PKIB: variants seen among roughly 807,000 people sequenced by gnomAD.
PKIB encodes the protein cAMP-dependent protein kinase inhibitor beta.
Under a neutral mutation model 4.5 loss-of-function variants are expected in PKIB, and 2 were observed. The observed-to-expected ratio is 0.44, with a 90% CI of 0.18 to 1.39. PKIB has a LOEUF of 1.39. Among genes scored for constraint, PKIB ranks in the 40% most tolerant of loss-of-function variants. The probability of loss-of-function intolerance (pLI) is 0.27; values close to 1 mark genes in which losing one functional copy is unlikely to be tolerated. For synonymous variants in PKIB, 38 were observed against 36.0 expected (o/e 1.06, Z -0.20); for missense variants, 94 against 92.6 (o/e 1.02, Z -0.06).
chr6:122,643,231 C>G (rs1311739023), intron 2 of PKIB, among the ~76,000 whole-genome samples: 2 of 152,146 alleles, frequency 1.3e-5, no homozygotes, highest in African/African-American at 4.8e-5. Context: ...TTACCCCATG[C>G]AATTGTTTGA....
rs112683750 is a variant in PKIB at position 122,718,983 on chromosome 6, GAAGAATGAA to G, written c.169+1026_169+1034del. ...TACACATCAACGTAAAATATTATAA[GAAGAATGAA>G]AAGAAGGAAAAGATAAGGGAAGAAA... On this transcript the variant is annotated intron_variant, in intron 4 of 4. Transcript: ENST00000368452. 6.4e-3 allele frequency among the ~76,000 whole-genome samples: 979 copies of G among 152,054 alleles called. 11 individuals are homozygous for G. The highest frequency in any genetic ancestry group is 0.018 in the African/African-American group (748 of 41,462).
At chr6:122,630,066 T>G (rs1478792710) in intron 1 of PKIB, among the ~76,000 whole-genome samples, 1 of 152,124 alleles carries the variant, frequency 6.6e-6, no homozygotes, top group Non-Finnish European at 1.5e-5. Flanking sequence ...TGGAACAGTA[T>G]AAGAACTTTC....
At chr6:122,593,077 GCTA>G (rs756193780) in intron 3 of PKIB, among the ~76,000 whole-genome samples, 2 of 152,128 alleles carry the variant, frequency 1.3e-5, no homozygotes, top group Non-Finnish European at 2.9e-5. Flanking sequence ...GTGGTGTCAA[GCTA>G]CTATTTTCAG....
intron 1 of PKIB, among the ~76,000 whole-genome samples, chr6:122,629,251 T>C (rs1374925762): frequency 1.3e-5 from 2 of 152,174 alleles, no homozygotes; most frequent in Non-Finnish European, 2.9e-5. Flanking sequence ...TGAGTGGTGA[T>C]AGATAATGCA....
At chr6:122,586,913 C>T (rs915880630) in intron 3 of PKIB, among the ~76,000 whole-genome samples, 1 of 152,146 alleles carries the variant, frequency 6.6e-6, no homozygotes, top group Non-Finnish European at 1.5e-5. Flanking sequence ...CCCTCTGCCT[C>T]CACCTGGGTG....
chr6:122,494,470 GTT>G (rs1338982344), intron 2 of PKIB, among the ~76,000 whole-genome samples: 2 of 152,154 alleles, frequency 1.3e-5, no homozygotes. Context: ...ACATGAGACA[GTT>G]TTATACTAAA....
At chr6:122,632,925 G>A (rs1440723180) in intron 1 of PKIB, among the ~76,000 whole-genome samples, 2 of 152,166 alleles carry the variant, frequency 1.3e-5, no homozygotes, top group Non-Finnish European at 2.9e-5. Context: ...TAGTAAGAAT[G>A]TCTCTGACTG....
intron 2 of PKIB, among the ~76,000 whole-genome samples, chr6:122,487,241 A>G (rs1775792988): frequency 6.6e-6 from 1 of 152,224 alleles, no homozygotes; most frequent in Admixed American, 6.5e-5. Flanking sequence ...TCTCTTGATT[A>G]TCTGACAATC....
chr6:122,637,244 C>G (rs1775951635), intron 2 of PKIB, among the ~76,000 whole-genome samples: 1 of 152,028 alleles, frequency 6.6e-6, no homozygotes, highest in South Asian at 2.1e-4. Flanking sequence ...ATAGCATGAA[C>G]CTAATAAATG....
At chr6:122,558,701 A>G (rs1181437917) in intron 2 of PKIB, among the ~76,000 whole-genome samples, 1 of 152,156 alleles carries the variant, frequency 6.6e-6, no homozygotes, top group Admixed American at 6.5e-5. Flanking sequence ...AGAAAAAGCC[A>G]CAGTCACCTC....
chr6:122,676,327 G>A (rs992318241), intron 3 of PKIB, among the ~76,000 whole-genome samples: 59 of 152,206 alleles, frequency 3.9e-4, no homozygotes, highest in African/African-American at 1.3e-3. Flanking sequence ...GTGATGTGGA[G>A]TGGCTGTAAA....
chr6:122,625,066 A>G (rs1775380550), intron 1 of PKIB, among the ~76,000 whole-genome samples: 1 of 152,232 alleles, frequency 6.6e-6, no homozygotes, highest in Admixed American at 6.5e-5. Flanking sequence ...ACTACTATGT[A>G]AAAGCAGTTG....
At chr6:122,481,003 C>G (rs888848160) in intron 2 of PKIB, 1 of 152,080 alleles carries the variant, frequency 6.6e-6, no homozygotes, top group Non-Finnish European at 1.5e-5. Context: ...ATCACTTAGT[C>G]AAGCTCCTTG....
At chr6:122,474,321 T>A (rs1318492719) in intron 1 of PKIB, among the ~76,000 whole-genome samples, 3 of 152,236 alleles carry the variant, frequency 2.0e-5, no homozygotes, top group African/African-American at 4.8e-5. Flanking sequence ...TCTTCTCTTG[T>A]GACTGATGTT....
intron 2 of PKIB, among the ~76,000 whole-genome samples, chr6:122,528,125 C>A (rs1487796181): frequency 3.3e-5 from 5 of 152,110 alleles, no homozygotes; most frequent in Admixed American, 3.3e-4. Context: ...ATTCTAAATG[C>A]CCTTCTTAGT....
chr6:122,654,902 T>C (rs1325549845), intron 2 of PKIB, among the ~76,000 whole-genome samples: 1 of 152,204 alleles, frequency 6.6e-6, no homozygotes, highest in African/African-American at 2.4e-5. Flanking sequence ...CCTAATATAA[T>C]TAGAAACTTA....
chr6:122,719,709 CCACACATACACACACACACACACA>C (rs1199846038), intron 4 of PKIB, among the ~76,000 whole-genome samples: 38 of 137,796 alleles, frequency 2.8e-4, no homozygotes, highest in African/African-American at 4.5e-4. Flanking sequence ...AGTGTTCCCA[CCACACATACACACACACACACACA>C]CACACACACA....
chr6:122,616,913 A>T (rs1256977839), intron 1 of PKIB, among the ~76,000 whole-genome samples: 2 of 152,182 alleles, frequency 1.3e-5, no homozygotes, highest in African/African-American at 2.4e-5. Flanking sequence ...ACGAGTAGGC[A>T]AAGAGAGTAT....
Position 122,529,054 on chromosome 6 carries a change from A to G in PKIB, c.-248+51115A>G, listed in dbSNP as rs905548776. On this transcript the variant is annotated intron_variant, in intron 2 of 6. Transcript: ENST00000392491. ...ATAACAGACAGTTGATTCTATTTAC[A>G]TTTAAAGTAATTACTGATGATAAAA... 2.0e-5 allele frequency among the ~76,000 whole-genome samples: 3 copies of G among 152,262 alleles called. No homozygotes were observed. In the East Asian group the frequency reaches 5.8e-4, roughly 29 times the overall value.
Sources: allele counts gnomAD v4.1 joint callset (sites outside exome capture counted in the v4.1 genomes callset), GRCh38; gene constraint gnomAD v4.1.1; transcripts MANE v1.5; gene names NCBI Gene and HGNC (gene_info 2026-07-23, HGNC 2026-07-21).